Variants in ZMAT4 observed in about 807,000 individuals in gnomAD.
ZMAT4 encodes zinc finger matrin-type protein 4.
In ZMAT4, 17 loss-of-function variants were observed where a neutral mutation model predicts 28.7. The ratio of observed to expected loss-of-function variants is 0.59; its 90% confidence interval spans 0.41 to 0.89. The LOEUF (loss-of-function observed/expected upper bound fraction) is 0.89. Ranked by LOEUF, ZMAT4 falls within the 40% of genes least tolerant of loss-of-function variation. The pLI is 0.00. For synonymous variants in ZMAT4, 117 were observed against 109.2 expected (o/e 1.07, Z -0.44); for missense variants, 240 against 283.8 (o/e 0.85, Z 1.11).
At chr8:40,801,314 A>AT (rs1394410844) in intron 2 of ZMAT4, among the ~76,000 whole-genome samples, 1 of 143,830 alleles carries the variant, frequency 7.0e-6, no homozygotes, top group African/African-American at 2.7e-5. Flanking sequence ...CCAATTCTCT[A>AT]TGGTGTCTTT....
At chr8:40,758,055 T>C (rs1185060707) in intron 3 of ZMAT4, among the ~76,000 whole-genome samples, 3 of 152,204 alleles carry the variant, frequency 2.0e-5, no homozygotes, top group Non-Finnish European at 2.9e-5. Flanking sequence ...GGCTGCACTG[T>C]TGGCTTCTCT....
At chr8:40,879,410 G>A (rs960096968) in intron 1 of ZMAT4, among the ~76,000 whole-genome samples, 3 of 152,294 alleles carry the variant, frequency 2.0e-5, no homozygotes, top group South Asian at 2.1e-4. Flanking sequence ...GCAACAAAGT[G>A]AGACCCTGTC....
Position 40,860,200 on chromosome 8 carries a change from T to A in ZMAT4, c.-4-34520A>T, listed in dbSNP as rs79640099. 3.1e-3 allele frequency among the ~76,000 whole-genome samples: 469 copies of A among 152,082 alleles called. 2 individuals carry two copies. Among genetic ancestry groups the A allele is most frequent in the African/African-American group, 0.011 (452 of 41,468 alleles). On this transcript the variant is annotated intron_variant, in intron 1 of 6. Coordinates refer to ENST00000297737, the MANE Select transcript of ZMAT4 (RefSeq NM_024645.3). ...GGCTGTTTTGTAGATATCTCCCAAT[T>A]AAAAAGAAAATGATGATGGTTCTCA... is the stretch of plus-strand genomic sequence containing the variant.
chr8:40,700,498 G>C (rs1810094742), intron 3 of ZMAT4, among the ~76,000 whole-genome samples: 1 of 139,318 alleles, frequency 7.2e-6, no homozygotes, highest in Non-Finnish European at 1.5e-5. Context: ...GCTCATTATA[G>C]CCTGGAACTC....
In ZMAT4 at chr8:40,531,881, T is replaced by A; in HGVS notation, c.*342A>T. On this transcript the variant is annotated 3_prime_UTR_variant, in exon 7 of 7. Coordinates refer to ENST00000297737, the MANE Select transcript of ZMAT4 (RefSeq NM_024645.3). ...ACAGAATAATTATGCTCTGAGGAAA[T>A]CTAGAATAAATTGGAAATTTAAATT... 1 of 198,452 alleles carries A rather than the reference T, an allele frequency of 5.0e-6. No homozygotes were observed. The highest frequency in any genetic ancestry group is 1.0e-5 in the Non-Finnish European group (1 of 98,826). The allele number at this position is 198,452 out of a possible 1,614,324, so 12.3% of individuals were successfully genotyped here.
At chr8:40,549,424 C>A (rs138704362) in intron 6 of ZMAT4, among the ~76,000 whole-genome samples, 138 of 152,256 alleles carry the variant, frequency 9.1e-4, no homozygotes, top group African/African-American at 3.2e-3. Flanking sequence ...TATCTTTTGG[C>A]TGCTGGATAA....
chr8:40,683,770 T>TA (rs1344588070), intron 4 of ZMAT4, among the ~76,000 whole-genome samples: 1 of 151,996 alleles, frequency 6.6e-6, no homozygotes, highest in Non-Finnish European at 1.5e-5. Context: ...AATTTATGGG[T>TA]ATAATTATTT....
chr8:40,833,953 A>G (rs1275726041), intron 1 of ZMAT4, among the ~76,000 whole-genome samples: 2 of 152,190 alleles, frequency 1.3e-5, no homozygotes, highest in Non-Finnish European at 2.9e-5. Context: ...TTGTTTAAAA[A>G]GAGAGAGAGG....
chr8:40,724,230 C>G (rs1215955725), intron 3 of ZMAT4, among the ~76,000 whole-genome samples: 1 of 152,124 alleles, frequency 6.6e-6, no homozygotes, highest in Non-Finnish European at 1.5e-5. Context: ...TGGGACTTTA[C>G]TTGGTAATAA....
chr8:40,601,035 G>C (rs1406593598), intron 5 of ZMAT4, among the ~76,000 whole-genome samples: 1 of 152,246 alleles, frequency 6.6e-6, no homozygotes, highest in East Asian at 1.9e-4. Context: ...ACTTGAAAAT[G>C]AGACTCACTT....
chr8:40,868,585 A>C (rs972227041), intron 1 of ZMAT4, among the ~76,000 whole-genome samples: 1 of 152,192 alleles, frequency 6.6e-6, no homozygotes, highest in Non-Finnish European at 1.5e-5. Context: ...ATACAAGAAA[A>C]CAATAGGAAA....
intron 1 of ZMAT4, among the ~76,000 whole-genome samples, chr8:40,862,919 T>G (rs935004626): frequency 1.3e-5 from 2 of 151,682 alleles, no homozygotes; most frequent in African/African-American, 4.8e-5. Flanking sequence ...TGTATACATA[T>G]GTAACAAACC....
chr8:40,886,860 G>A (rs949133949), intron 1 of ZMAT4, among the ~76,000 whole-genome samples: 4 of 148,796 alleles, frequency 2.7e-5, no homozygotes, highest in African/African-American at 9.9e-5. Context: ...CTTGTGATTG[G>A]AATGACTGAT....
intron 1 of ZMAT4, among the ~76,000 whole-genome samples, chr8:40,874,885 C>T (rs1817985565): frequency 6.6e-6 from 1 of 152,154 alleles, no homozygotes; most frequent in South Asian, 2.1e-4. Context: ...TGGCTGGATT[C>T]AGAATTCAAT....
chr8:40,876,012 G>C (rs996334300), intron 1 of ZMAT4, among the ~76,000 whole-genome samples: 1 of 152,178 alleles, frequency 6.6e-6, no homozygotes, highest in African/African-American at 2.4e-5. Flanking sequence ...CCACAGAAGA[G>C]GAAATGGGCT....
chr8:40,724,530 A>T (rs1266890058), intron 3 of ZMAT4, among the ~76,000 whole-genome samples: 1 of 152,240 alleles, frequency 6.6e-6, no homozygotes, highest in African/African-American at 2.4e-5. Context: ...TGTATTGATC[A>T]TCTACTATAT....
chr8:40,856,655 T>C (rs144435352), intron 1 of ZMAT4, among the ~76,000 whole-genome samples: 51 of 152,302 alleles, frequency 3.3e-4, no homozygotes, highest in African/African-American at 1.2e-3. Context: ...CTGGAGCATG[T>C]TGTCATAAAG....
chr8:40,858,068 G>T (rs1163284174), intron 1 of ZMAT4, among the ~76,000 whole-genome samples: 2 of 152,070 alleles, frequency 1.3e-5, no homozygotes, highest in Non-Finnish European at 2.9e-5. Context: ...TTGGGTGGAG[G>T]GAATACAAGG....
rs185446095 is a variant in ZMAT4, at chr8:40,814,950, G to T, written c.102+10625C>A. 3.3e-3 allele frequency among the ~76,000 whole-genome samples: 498 copies of T among 152,240 alleles called. 3 individuals carry two copies. Among genetic ancestry groups the T allele is most frequent in the African/African-American group, 0.012 (486 of 41,548 alleles). Reference sequence around the variant, plus strand: ...AATATATCTACATCTAATACAATCAGATAAAATAAATGAGTGATACATATT... The same window carrying T: ...AATATATCTACATCTAATACAATCATATAAAATAAATGAGTGATACATATT... On this transcript the variant is annotated intron_variant, in intron 2 of 6. Transcript: ENST00000297737.
Sources: allele counts gnomAD v4.1 joint callset (sites outside exome capture counted in the v4.1 genomes callset), GRCh38; gene constraint gnomAD v4.1.1; transcripts MANE v1.5; gene names NCBI Gene and HGNC (gene_info 2026-07-23, HGNC 2026-07-21).